Variants in KIF4A observed in about 807,000 individuals in gnomAD.
KIF4A encodes kinesin family member 4A, also known as chromosome-associated kinesin KIF4A.
KIF4A carries 7 observed loss-of-function variants against 105.9 expected under a neutral mutation model. The ratio of observed to expected loss-of-function variants is 0.07; its 90% CI spans 0.04 to 0.12. KIF4A has a LOEUF of 0.12. Ranked by LOEUF, KIF4A falls within the 10% of genes least tolerant of loss-of-function variation. The pLI, the probability that KIF4A is intolerant of heterozygous loss-of-function variation, is 1.00. For synonymous variants in KIF4A, 281 were observed against 331.3 expected (o/e 0.85, Z 1.65); for missense variants, 558 against 929.2 (o/e 0.60, Z 5.19).
chrX:70,371,729 G>T (rs1292794199), intron 15 of KIF4A, among the ~76,000 whole-genome samples: 1 of 109,672 alleles, frequency 9.1e-6, no homozygotes. Flanking sequence ...CTCCCGGACG[G>T]GGCGGCTGCT....
chrX:70,330,076 C>T (rs1021469121), intron 8 of KIF4A, 81 bp from the exon 9 acceptor site: 1 of 877,408 alleles, frequency 1.1e-6, no homozygotes, highest in Admixed American at 3.3e-5. Context: ...TTTTAAGTCA[C>T]CAACCCGAAT....
At position 70,374,156 on chromosome X, in the gene KIF4A, C is replaced by T. The variant is rs987758974; in HGVS notation, c.1680C>T (p.Asn560=). The change falls in exon 16 of 31, where the codon AAC becomes AAT. Residue 560 remains asparagine (N), a synonymous_variant. Coordinates refer to ENST00000374403, the MANE Select transcript of KIF4A (RefSeq NM_012310.5). ...LQPIQYQYQD[N]IKELELEVIN... ...TTGACCTATAACCTTTCTAGGATAA[C>T]ATAAAAGAGCTAGAATTAGAAGTCA... The T allele has an allele frequency of 8.7e-7, 1 of 1,154,238 alleles. No individual in the cohort carries two copies. The highest frequency in any genetic ancestry group is 1.8e-5 in the African/African-American group (1 of 55,877).
chrX:70,352,774 A>G (rs1383525093), intron 14 of KIF4A, 118 bp downstream of exon 14: 1 of 452,193 alleles, frequency 2.2e-6, no homozygotes, highest in Non-Finnish European at 3.8e-6. Context: ...AATGCCTGTT[A>G]AATCCAGAAA....
At chrX:70,296,633 A>G (rs903016870) in intron 3 of KIF4A, among the ~76,000 whole-genome samples, 2 of 112,431 alleles carry the variant, frequency 1.8e-5, no homozygotes, top group African/African-American at 6.5e-5. Flanking sequence ...AATTTCTGTA[A>G]TTTAAAATTG....
At chrX:70,296,473 C>T (rs1265329801) in intron 3 of KIF4A, among the ~76,000 whole-genome samples, 3 of 112,150 alleles carry the variant, frequency 2.7e-5, no homozygotes, top group Middle Eastern at 4.2e-3. Flanking sequence ...TTTCTGTAAG[C>T]AGCCTGATAA....
intron 7 of KIF4A, among the ~76,000 whole-genome samples, chrX:70,315,580 G>A (rs1417951062): frequency 4.5e-5 from 5 of 111,330 alleles, no homozygotes; most frequent in Admixed American, 2.9e-4. Flanking sequence ...TATTTTCCTT[G>A]GTCTGCTCTC....
chrX:70,393,155 C>T (rs905349721), intron 20 of KIF4A, among the ~76,000 whole-genome samples: 1 of 110,882 alleles, frequency 9.0e-6, no homozygotes, highest in African/African-American at 3.3e-5. Flanking sequence ...ATTCAAAATA[C>T]ATTCTAATTT....
In KIF4A at chrX:70,333,622, T is replaced by A; in HGVS notation, c.1072-6T>A. The A allele has an allele frequency of 2.5e-6, 3 of 1,196,442 alleles. No homozygotes were observed. The highest frequency in any genetic ancestry group is 3.4e-6 in the Non-Finnish European group (3 of 881,958). On this transcript the variant is annotated splice_region_variant and splice_polypyrimidine_tract_variant and intron_variant, in intron 9 of 30. Transcript: ENST00000374403. ...CTAGCTGATTATTTTTCTTTGCTTC[T>A]CCCAGGTACAACAGCTACAAGTCTT...
chrX:70,328,556 A>T (rs780261991), intron 7 of KIF4A, among the ~76,000 whole-genome samples: 1 of 111,995 alleles, frequency 8.9e-6, no homozygotes, highest in African/African-American at 3.2e-5. Context: ...TTATCATTTA[A>T]CTTTGCTTCA....
Position 70,396,010 on chromosome X carries a change from C to T in KIF4A, c.2450C>T (p.Thr817Ile). Reference sequence around the variant, plus strand: ...GTTTCGGAGTCAGAAGATTCTATTACAAAGCAGATTGAAAGCCTAGAGACT... The same window carrying T: ...GTTTCGGAGTCAGAAGATTCTATTATAAAGCAGATTGAAAGCCTAGAGACT... ...GQVSESEDSI[T>I]KQIESLETEM... The change falls in exon 22 of 31, where the codon ACA (threonine) becomes ATA (isoleucine). Residue 817 changes from threonine (T) to isoleucine (I), a missense_variant. By Grantham distance (89) the Thr-to-Ile change is moderately conservative. Around this residue, in one of 2 missense-constraint regions of KIF4A, gnomAD observed 469 missense variants for 680.4 expected, o/e 0.69. Transcript: ENST00000374403. 1 of 1,206,158 alleles carries T rather than the reference C, an allele frequency of 8.3e-7. No individual in the cohort carries two copies. Among genetic ancestry groups the T allele is most frequent in the Non-Finnish European group, 1.1e-6 (1 of 890,876 alleles).
chrX:70,319,629 G>A (rs959317976), intron 7 of KIF4A, among the ~76,000 whole-genome samples: 3 of 111,619 alleles, frequency 2.7e-5, no homozygotes, highest in African/African-American at 9.8e-5. Context: ...CTATTCTTAC[G>A]TAACTTGTAT....
rs371852745 is a variant in KIF4A at position 70,297,011 on chromosome X, G to A, written c.249G>A (p.Thr83=). The A allele has an allele frequency of 3.0e-5, 36 of 1,208,684 alleles. No homozygotes were observed. The African/African-American group carries it at 4.0e-4, about 14-fold the overall frequency. The change falls in exon 4 of 31, where the codon ACG becomes ACA. Residue 83 remains threonine, a synonymous_variant. Coordinates refer to ENST00000374403, the MANE Select transcript of KIF4A (RefSeq NM_012310.5). ...CTATTTTGTCAGGATATAATGCAAC[G>A]GTCCTGGCCTATGGGCAGACTGGCT... ...IKGVFKGYNA[T]VLAYGQTGSG...
chrX:70,378,005 CAA>C (rs746046205), intron 18 of KIF4A, among the ~76,000 whole-genome samples: 1 of 111,957 alleles, frequency 8.9e-6, no homozygotes, highest in African/African-American at 3.2e-5. Context: ...AAATCAGTAA[CAA>C]AAATAAATTT....
Position 70,420,156 on chromosome X carries a change from C to T in KIF4A, c.3590C>T (p.Ala1197Val), listed in dbSNP as rs763208348. 5.0e-6 allele frequency: 6 copies of T among 1,210,859 alleles called. No homozygotes were observed. The Admixed American group carries it at 1.3e-4, about 26-fold the overall frequency. ...PFDLPELKHVATEYQENKAPG... is the reference protein window; with the variant it reads ...PFDLPELKHVVTEYQENKAPG... The stretch of plus-strand genomic sequence containing the variant: ...GACCTCCCAGAGTTGAAACATGTAG[C>T]AACAGAATACCAAGAAAACAAGGCT... The change falls in exon 31 of 31, where the codon GCA becomes GTA. Residue 1197 changes from alanine (A) to valine (V), a missense_variant. Physicochemically the swap from Ala to Val is moderately conservative, Grantham distance 64. Around this residue, in one of 2 missense-constraint regions of KIF4A, gnomAD observed 469 missense variants for 680.4 expected, o/e 0.69. Transcript: ENST00000374403.
chrX:70,294,546 T>C (rs1159007490), intron 3 of KIF4A, among the ~76,000 whole-genome samples: 1 of 112,358 alleles, frequency 8.9e-6, no homozygotes, highest in Non-Finnish European at 1.9e-5. Context: ...AACACAAACA[T>C]GTAACATGTT....
intron 15 of KIF4A, among the ~76,000 whole-genome samples, chrX:70,355,260 A>G (rs1027521949): frequency 1.8e-5 from 2 of 111,401 alleles, no homozygotes; most frequent in African/African-American, 6.5e-5. Context: ...AGGAGAGACT[A>G]TAGGGTTGGT....
intron 7 of KIF4A, among the ~76,000 whole-genome samples, chrX:70,307,715 T>G (rs746033168): frequency 4.9e-4 from 55 of 112,119 alleles, no homozygotes; most frequent in Middle Eastern, 4.2e-3. Context: ...AGTCTATTGA[T>G]ATGGTATACT....
chrX:70,325,536 C>T (rs753690653), intron 7 of KIF4A, among the ~76,000 whole-genome samples: 1 of 111,449 alleles, frequency 9.0e-6, no homozygotes, highest in Non-Finnish European at 1.9e-5. Flanking sequence ...CTTCGGCCCC[C>T]CAAAGTGCTG....
At chrX:70,407,171 A>C (rs2086303778) in intron 28 of KIF4A, 96 bp downstream of exon 28, 1 of 947,003 alleles carries the variant, frequency 1.1e-6, no homozygotes, top group African/African-American at 2.0e-5. Context: ...ACAGTGGTGC[A>C]TTCTCGGCTC....
Sources: allele counts gnomAD v4.1 joint callset (sites outside exome capture counted in the v4.1 genomes callset), GRCh38; gene constraint gnomAD v4.1.1; regional missense constraint gnomAD v4.1.1; transcripts MANE v1.5; gene names NCBI Gene and HGNC (gene_info 2026-07-23, HGNC 2026-07-21).